Variants in CSNK2A2IP observed in about 807,000 individuals in gnomAD.
CSNK2A2IP encodes the protein casein kinase 2 subunit alpha' interacting protein.
the CSNK2A2IP span, among the ~76,000 whole-genome samples, chr3:88,379,540 T>C: frequency 6.6e-6 from 1 of 152,082 alleles, no homozygotes; most frequent in Non-Finnish European, 1.5e-5. Flanking sequence ...ACAGATAAAA[T>C]TTTATTTTTG....
chr3:88,361,319 C>G, the CSNK2A2IP span, among the ~76,000 whole-genome samples: 2 of 152,144 alleles, frequency 1.3e-5, no homozygotes, highest in Non-Finnish European at 1.5e-5. Context: ...AACTCCTCAG[C>G]TTTTGTTTGT....
the CSNK2A2IP span, among the ~76,000 whole-genome samples, chr3:88,359,572 T>C: frequency 6.6e-6 from 1 of 152,178 alleles, no homozygotes; most frequent in Non-Finnish European, 1.5e-5. Context: ...ATTTCCATTT[T>C]CATTTGTTTC....
chr3:88,357,125 A>G, the CSNK2A2IP span, among the ~76,000 whole-genome samples: 66,562 of 151,740 alleles, frequency 0.44, 15,840 homozygotes, highest in South Asian at 0.62. Context: ...TTGTGATCTC[A>G]TTATCTATTT....
chr3:88,351,247 A>G, the CSNK2A2IP span, among the ~76,000 whole-genome samples: 309 of 152,260 alleles, frequency 2.0e-3, 1 homozygote, highest in Admixed American at 3.7e-3. Context: ...AGAAAACTTC[A>G]TTCATATTAA....
At chr3:88,423,873 G>T in the CSNK2A2IP span, among the ~76,000 whole-genome samples, 1 of 152,052 alleles carries the variant, frequency 6.6e-6, no homozygotes, top group Non-Finnish European at 1.5e-5. Flanking sequence ...CAGGAAAAGG[G>T]ATTGCATACA....
the CSNK2A2IP span, among the ~76,000 whole-genome samples, chr3:88,457,895 T>C: frequency 6.6e-6 from 1 of 151,914 alleles, no homozygotes; most frequent in East Asian, 1.9e-4. Context: ...CTGAAATTTC[T>C]TCTATGGGAA....
chr3:88,464,722 C>G, the CSNK2A2IP span, among the ~76,000 whole-genome samples: 1 of 151,902 alleles, frequency 6.6e-6, no homozygotes, highest in African/African-American at 2.4e-5. Context: ...TTTTTTTACA[C>G]AAAAACTTAT....
chr3:88,383,322 G>A, the CSNK2A2IP span, among the ~76,000 whole-genome samples: 3 of 152,102 alleles, frequency 2.0e-5, no homozygotes, highest in Admixed American at 6.5e-5. Context: ...AAAATCCATC[G>A]TTCACTGTTT....
chr3:88,416,271 T>TAA, the CSNK2A2IP span, among the ~76,000 whole-genome samples: 10 of 117,990 alleles, frequency 8.5e-5, no homozygotes, highest in Middle Eastern at 8.8e-3. Context: ...GACTCCCTAT[T>TAA]AAAAAAAAAA....
At chr3:88,362,429 C>T in the CSNK2A2IP span, among the ~76,000 whole-genome samples, 19 of 152,170 alleles carry the variant, frequency 1.2e-4, no homozygotes, top group African/African-American at 4.6e-4. Context: ...CAGGTGAAGT[C>T]TTGCTCTTTC....
At chr3:88,367,359 G>T in the CSNK2A2IP span, among the ~76,000 whole-genome samples, 6 of 152,046 alleles carry the variant, frequency 3.9e-5, no homozygotes, top group Admixed American at 3.3e-4. Context: ...GGTACAGAAG[G>T]TGTCATAGGG....
chr3:88,432,587 A>T, the CSNK2A2IP span, among the ~76,000 whole-genome samples: 1 of 151,720 alleles, frequency 6.6e-6, no homozygotes, highest in Non-Finnish European at 1.5e-5. Flanking sequence ...ATATATATGA[A>T]GATAAGTATA....
the CSNK2A2IP span, among the ~76,000 whole-genome samples, chr3:88,387,311 C>T: frequency 2.0e-5 from 3 of 151,950 alleles, no homozygotes; most frequent in African/African-American, 7.3e-5. Flanking sequence ...ACTGGGATTA[C>T]AGGCATGTGC....
At chr3:88,446,858 T>A in the CSNK2A2IP span, among the ~76,000 whole-genome samples, 29 of 152,234 alleles carry the variant, frequency 1.9e-4, no homozygotes, top group Non-Finnish European at 4.1e-4. Flanking sequence ...ATGGTCCTTA[T>A]AATTAACATA....
the CSNK2A2IP span, among the ~76,000 whole-genome samples, chr3:88,460,753 T>TA: frequency 6.6e-6 from 1 of 152,216 alleles, no homozygotes; most frequent in Admixed American, 6.5e-5. Context: ...ATCCTGACTA[T>TA]AAAATTAGGA....
chr3:88,391,443 A>C, the CSNK2A2IP span, among the ~76,000 whole-genome samples: 2 of 152,340 alleles, frequency 1.3e-5, no homozygotes, highest in South Asian at 4.1e-4. Context: ...GAAAACATAA[A>C]AGTAGTTAGA....
At chr3:88,348,263 G>C in the CSNK2A2IP span, among the ~76,000 whole-genome samples, 4 of 151,940 alleles carry the variant, frequency 2.6e-5, no homozygotes, top group African/African-American at 9.7e-5. Context: ...GTTCAAAGGG[G>C]TTTGAATTAA....
the CSNK2A2IP span, among the ~76,000 whole-genome samples, chr3:88,389,995 T>G: frequency 4.6e-5 from 7 of 152,072 alleles, no homozygotes; most frequent in African/African-American, 1.7e-4. Flanking sequence ...ACCCTCACAA[T>G]GGTCTGGAGA....
chr3:88,444,877 CTTTG>C, the CSNK2A2IP span, among the ~76,000 whole-genome samples: 1 of 152,118 alleles, frequency 6.6e-6, no homozygotes, highest in Non-Finnish European at 1.5e-5. Flanking sequence ...AGGTTCTTCC[CTTTG>C]TTTGCACAGC....
Sources: allele counts gnomAD v4.1 joint callset (sites outside exome capture counted in the v4.1 genomes callset), GRCh38; gene constraint gnomAD v4.1.1; transcripts MANE v1.5; gene names NCBI Gene and HGNC (gene_info 2026-07-23, HGNC 2026-07-21).